NLRP5: variants seen among roughly 807,000 people sequenced by gnomAD.
The protein encoded by NLRP5 is NLR family pyrin domain containing 5, also known as NACHT, LRR and PYD domains-containing protein 5.
Under a neutral mutation model 113.1 loss-of-function variants are expected in NLRP5, and 93 were observed. That is an observed-to-expected ratio of 0.82 (90% CI 0.70 to 0.98). NLRP5 has a LOEUF of 0.98. Among genes scored for constraint, NLRP5 ranks in the 50% least tolerant of loss-of-function variants. NLRP5 has a pLI of 0.00. For missense variants in NLRP5, 1,808 were observed against 1,514.3 expected, an observed-to-expected ratio of 1.19 and a Z score of -3.22; for synonymous variants, 751 against 600.7, an observed-to-expected ratio of 1.25 and a Z score of -3.66.
At chr19:56,024,202 C>A (rs1436231504) in intron 6 of NLRP5, among the ~76,000 whole-genome samples, 1 of 151,226 alleles carries the variant, frequency 6.6e-6, no homozygotes, top group Admixed American at 6.6e-5. Flanking sequence ...AATGCATATT[C>A]TTAAATCTTT....
chr19:56,022,845 C>G (rs557972594), intron 6 of NLRP5, among the ~76,000 whole-genome samples: 1 of 152,312 alleles, frequency 6.6e-6, no homozygotes, highest in Admixed American at 6.5e-5. Flanking sequence ...CTGCCTCAGC[C>G]TCCCGAGTAG....
intron 9 of NLRP5, among the ~76,000 whole-genome samples, chr19:56,036,617 C>T (rs552191022): frequency 1.9e-4 from 29 of 152,236 alleles, no homozygotes; most frequent in African/African-American, 3.4e-4. Context: ...TGCACACACA[C>T]GGCAGGAGCA....
intron 2 of NLRP5, among the ~76,000 whole-genome samples, chr19:56,005,642 A>ACACACG (rs1555763942): frequency 1.4e-5 from 2 of 142,038 alleles, no homozygotes; most frequent in African/African-American, 5.5e-5. Flanking sequence ...ACACACACAC[A>ACACACG]CGCGCGCAGG....
In NLRP5 at chr19:56,034,798, C is replaced by T. The variant is rs1983251680; in HGVS notation, c.2615+1089C>T. ...ATGCTATGGAGTACCACAGTTTAACCATTCACCATCCAGGGACACGTTGGT... is the reference window on the plus strand; with the variant it reads ...ATGCTATGGAGTACCACAGTTTAACTATTCACCATCCAGGGACACGTTGGT... On this transcript the variant is annotated intron_variant, in intron 9 of 14. Coordinates refer to ENST00000390649, the MANE Select transcript of NLRP5 (RefSeq NM_153447.4). Among the ~76,000 whole-genome samples, 3 of 151,100 alleles carry T rather than the reference C, an allele frequency of 2.0e-5. No individual in the cohort carries two copies. The Admixed American group carries it at 2.0e-4, about 10-fold the overall frequency.
chr19:55,990,346 C>A, the NLRP5 span, among the ~76,000 whole-genome samples: 1 of 151,816 alleles, frequency 6.6e-6, no homozygotes, highest in African/African-American at 2.4e-5. Flanking sequence ...GCCTCAGGAT[C>A]CCAAAGTGCT....
intron 1 of NLRP5, among the ~76,000 whole-genome samples, chr19:56,001,856 C>G (rs1981664985): frequency 6.6e-6 from 1 of 152,132 alleles, no homozygotes; most frequent in Non-Finnish European, 1.5e-5. Flanking sequence ...TGTTTTATTA[C>G]ATGGTATTCC....
chr19:56,049,308 C>A (rs1238613478), intron 11 of NLRP5, among the ~76,000 whole-genome samples: 1 of 151,812 alleles, frequency 6.6e-6, no homozygotes, highest in African/African-American at 2.4e-5. Context: ...GCCTCCCGAG[C>A]AGCTGGGATT....
At chr19:56,055,537 C>CTTTTTTTT (rs1160965587) in intron 13 of NLRP5, among the ~76,000 whole-genome samples, 3,860 of 76,068 alleles carry the variant, frequency 0.051, 649 homozygotes, top group Non-Finnish European at 0.07. Flanking sequence ...CTTTCTCTGT[C>CTTTTTTTT]TTTTTTTTTT....
intron 14 of NLRP5, among the ~76,000 whole-genome samples, chr19:56,059,965 G>T (rs532400540): frequency 2.6e-5 from 4 of 152,320 alleles, no homozygotes; most frequent in Non-Finnish European, 5.9e-5. Flanking sequence ...GTCAAGAGTG[G>T]CTGTGGTAGA....
chr19:56,038,242 G>A, intron 10 of NLRP5, 47 bp downstream of exon 10: 5 of 1,558,690 alleles, frequency 3.2e-6, no homozygotes, highest in Non-Finnish European at 4.4e-6. Context: ...CTTCCACCAG[G>A]ATTATCGTAA....
intron 13 of NLRP5, among the ~76,000 whole-genome samples, chr19:56,056,623 C>A (rs1182342856): frequency 6.6e-6 from 1 of 152,182 alleles, no homozygotes; most frequent in Non-Finnish European, 1.5e-5. Flanking sequence ...GTTTCCTCCA[C>A]GATGGGAATC....
chr19:56,020,289 T>A (rs1211013145), intron 5 of NLRP5, 86 bp from the exon 6 acceptor site: 1 of 1,516,234 alleles, frequency 6.6e-7, no homozygotes, highest in Non-Finnish European at 9.1e-7. Context: ...AAAATAAATA[T>A]GGCATGACTA....
At position 56,037,714 on chromosome 19, in the gene NLRP5, A is replaced by AAAAAAG. The variant is rs200215825; in HGVS notation, c.2616-311_2616-310insAAAAAG. ...GTCTCAAAAAAAAAAAAAAAAAAAA[A>AAAAAAG]TGTTGGCTGGGGTGGGTTGCTATGA... On this transcript the variant is annotated intron_variant, in intron 9 of 14. Transcript: ENST00000390649. Among the ~76,000 whole-genome samples the AAAAAAG allele has an allele frequency of 3.0e-3, 397 of 131,698 alleles. 9 individuals carry two copies. Among genetic ancestry groups the AAAAAAG allele is most frequent in the South Asian group, 0.023 (96 of 4,140 alleles). The allele number at this position is 131,698 out of a possible 152,430, so 86.4% of individuals were successfully genotyped here. A position where few individuals can be genotyped will look rare whatever the true frequency, so the allele number is the denominator to read the frequency against.
At chr19:56,047,436 T>C (rs892786557) in intron 11 of NLRP5, among the ~76,000 whole-genome samples, 15 of 147,364 alleles carry the variant, frequency 1.0e-4, no homozygotes, top group Non-Finnish European at 3.0e-5. Flanking sequence ...GATTGTGTCA[T>C]TGTTGTTCAG....
chr19:56,003,830 C>G lies in NLRP5; in HGVS notation c.177C>G (p.Thr59=). The change falls in exon 2 of 15, where the codon ACC becomes ACG. Residue 59 remains threonine, a synonymous_variant. Transcript: ENST00000390649. ...AGATGGAAGGAGACAAATCGCTCAC[C>G]TTTTCCAGCTACGGGCTGCAATGGT... 6.2e-7 allele frequency: 1 copy of G among 1,613,988 alleles called. No individual in the cohort carries two copies. The highest frequency in any genetic ancestry group is 8.5e-7 in the Non-Finnish European group (1 of 1,179,896).
chr19:56,016,373 G>A (rs1982403000), intron 4 of NLRP5, among the ~76,000 whole-genome samples: 1 of 151,918 alleles, frequency 6.6e-6, no homozygotes, highest in Admixed American at 6.6e-5. Flanking sequence ...GGCTGGTCTG[G>A]AACTCCCGAC....
intron 13 of NLRP5, among the ~76,000 whole-genome samples, chr19:56,055,995 G>A (rs1984137062): frequency 6.6e-6 from 1 of 152,142 alleles, no homozygotes; most frequent in African/African-American, 2.4e-5. Flanking sequence ...AGGCAATGGC[G>A]AGTTGCTGTT....
intron 7 of NLRP5, among the ~76,000 whole-genome samples, chr19:56,030,383 T>C (rs190795271): frequency 4.3e-4 from 65 of 151,974 alleles, no homozygotes; most frequent in Admixed American, 1.5e-3. Flanking sequence ...AAAAAAAAAT[T>C]CTCACATGGA....
chr19:56,055,888 T>C (rs188472362), intron 13 of NLRP5, among the ~76,000 whole-genome samples: 129 of 152,248 alleles, frequency 8.5e-4, no homozygotes, highest in African/African-American at 2.7e-3. Flanking sequence ...TAGCCTTCTG[T>C]TCTGGGGTGT....
Sources: allele counts gnomAD v4.1 joint callset (sites outside exome capture counted in the v4.1 genomes callset), GRCh38; gene constraint gnomAD v4.1.1; transcripts MANE v1.5; gene names NCBI Gene and HGNC (gene_info 2026-07-23, HGNC 2026-07-21).